Variants in SSC5D observed in about 807,000 individuals in gnomAD.
SSC5D encodes the protein scavenger receptor cysteine rich family member with 5 domains, also known as soluble scavenger receptor cysteine-rich domain-containing protein SSC5D.
Under a neutral mutation model 104.6 loss-of-function variants are expected in SSC5D, and 106 were observed. That is an observed-to-expected ratio of 1.01 (90% CI 0.87 to 1.19). The LOEUF is 1.19. SSC5D is among the 50% of genes most tolerant of loss of function. The pLI, the probability that SSC5D is intolerant of heterozygous loss-of-function variation, is 0.00. For synonymous variants in SSC5D, 860 were observed against 883.5 expected (o/e 0.97, Z 0.47); for missense variants, 1,993 against 2,153.8 (o/e 0.93, Z 1.48).
rs368184137 is a variant in SSC5D, at chr19:55,501,167, C to A, written c.2751C>A (p.Ser917Arg). 7.8e-6 allele frequency: 12 copies of A among 1,544,334 alleles called. No homozygotes were observed. Among genetic ancestry groups the A allele is most frequent in the Non-Finnish European group, 8.7e-6 (10 of 1,143,926 alleles). The change falls in exon 12 of 14, where the codon AGC becomes AGA. Residue 917 changes from serine to arginine, a missense_variant. Coordinates refer to ENST00000389623, the MANE Select transcript of SSC5D (RefSeq NM_001144950.2). Reference protein sequence around the residue: ...LPWRTTRRPGSSSPAIRRLPD... With the variant: ...LPWRTTRRPGRSSPAIRRLPD... ...GGAGGACCACCCGGCGCCCGGGTAGCTCCTCCCCAGCAATAAGGCGCCTGC... is the reference window on the plus strand; with the variant it reads ...GGAGGACCACCCGGCGCCCGGGTAGATCCTCCCCAGCAATAAGGCGCCTGC...
intron 12 of SSC5D, among the ~76,000 whole-genome samples, chr19:55,507,812 G>A (rs1987672779): frequency 6.6e-6 from 1 of 152,174 alleles, no homozygotes; most frequent in African/African-American, 2.4e-5. Flanking sequence ...AGAGCGGAGT[G>A]TTGGGTGGAA....
At position 55,500,386 on chromosome 19, in the gene SSC5D, C is replaced by T. The variant is rs1041832175; in HGVS notation, c.2276C>T (p.Pro759Leu). The T allele has an allele frequency of 2.0e-5, 31 of 1,551,134 alleles. No individual in the cohort carries two copies. The East Asian group carries it at 7.6e-4, about 38-fold the overall frequency. ...PESPKDPAPS[P>L]SVSTTGESGL... ...TCACCCAAAGACCCGGCCCCCTCTCCCAGTGTTAGCACCACTGGGGAATCA... is the reference window on the plus strand; with the variant it reads ...TCACCCAAAGACCCGGCCCCCTCTCTCAGTGTTAGCACCACTGGGGAATCA... The change falls in exon 10 of 14, where the codon CCC becomes CTC. Residue 759 changes from proline to leucine, a missense_variant. This residue lies in a region of SSC5D where 1,101 missense variants were observed against 1,085.0 expected (regional missense o/e 1.01). Transcript: ENST00000389623. The surrounding 1 kb of genome is among the most constrained non-coding windows in gnomAD (Gnocchi z 4.6).
At chr19:55,489,072 C>CGGG in intron 2 of SSC5D, 40 bp downstream of exon 2, 1 of 1,061,864 alleles carries the variant, frequency 9.4e-7, no homozygotes, top group Non-Finnish European at 1.3e-6. Flanking sequence ...GCCCCCCCCC[C>CGGG]CAGGCCTCCC....
chr19:55,496,240 G>A (rs1987321901), intron 8 of SSC5D, among the ~76,000 whole-genome samples: 1 of 152,152 alleles, frequency 6.6e-6, no homozygotes, highest in South Asian at 2.1e-4. Flanking sequence ...GCCCAGTGGA[G>A]AGGGTGGTTT....
rs1310844782 is a variant in SSC5D, at chr19:55,493,625, GC to G, written c.931del (p.His311ThrfsTer125). 1 of 1,481,178 alleles carries G rather than the reference GC, an allele frequency of 6.8e-7. No individual in the cohort carries two copies. The highest frequency in any genetic ancestry group is 8.9e-7 in the Non-Finnish European group (1 of 1,126,434). 91.8% of individuals were successfully genotyped at this position (1,481,178 alleles called of 1,614,324 possible). On this transcript the variant is annotated frameshift_variant, in exon 7 of 14. Coordinates refer to ENST00000389623, the MANE Select transcript of SSC5D (RefSeq NM_001144950.2). LOFTEE classifies it high-confidence loss of function. ...GPAPRLRLAD[G>X]PHGCAGRLEV... ...GCACCTCGGCTGCGCCTGGCCGATG[GC>G]CCCCACGGGTGCGCCGGCCGCCTGG...
chr19:55,503,879 C>A lies in SSC5D; in HGVS notation c.2785+2678C>A, dbSNP rs1036521484. ...CGCGGTGGGCCCGGGAATGGAGGGA[C>A]GGGATGGGGCAGGCGTTCATCTGCC... On this transcript the variant is annotated intron_variant, in intron 12 of 13. Coordinates refer to ENST00000389623, the MANE Select transcript of SSC5D (RefSeq NM_001144950.2). The surrounding 1 kb of genome is among the most constrained non-coding windows in gnomAD (Gnocchi z 4.0). Among the ~76,000 whole-genome samples the A allele has an allele frequency of 4.6e-5, 7 of 152,110 alleles. No homozygotes were observed. Among genetic ancestry groups the A allele is most frequent in the Admixed American group, 3.9e-4 (6 of 15,276 alleles).
chr19:55,509,280 G>A (rs1414307178), intron 12 of SSC5D, among the ~76,000 whole-genome samples: 1 of 152,186 alleles, frequency 6.6e-6, no homozygotes, highest in Non-Finnish European at 1.5e-5. Context: ...AAAGGTGTGA[G>A]TGAGGATCCC....
rs1987924175 is a variant in SSC5D at position 55,518,112 on chromosome 19, CGA to C, written c.3837_3838del (p.Thr1280ProfsTer26). 6.8e-7 allele frequency: 1 copy of C among 1,469,056 alleles called. No homozygotes were observed. Among genetic ancestry groups the C allele is most frequent in the Non-Finnish European group, 9.2e-7 (1 of 1,090,994 alleles). 91.0% of individuals were successfully genotyped at this position (1,469,056 alleles called of 1,614,324 possible). A position where few individuals can be genotyped will look rare whatever the true frequency, so the allele number is the denominator to read the frequency against. On this transcript the variant is annotated frameshift_variant, in exon 14 of 14. Transcript: ENST00000389623. LOFTEE classifies it low-confidence loss of function (END_TRUNC). ...CCCACCACGATGCCTCATCCCACCA[CGA>C]CCCCTCACCCCACCACGACTCCTCA...
chr19:55,500,631 G>A lies in SSC5D; in HGVS notation c.2444G>A (p.Cys815Tyr). ...ACTGTGGCCTGCTGGGAACTGGGCT[G>A]TGGAAAGGTCCGGCCTCGAGTAGGC... ...DATVACWELG[C>Y]GKVRPRVGKT... Residue 815 changes from cysteine (C) to tyrosine (Y), a missense_variant, in exon 11 of 14, where the codon TGT becomes TAT. Cys to Tyr is a radical substitution (Grantham distance 194). This residue lies in a region of SSC5D where 70 missense variants were observed against 107.1 expected (regional missense o/e 0.65). Transcript: ENST00000389623. This position sits in a 1 kb window ranked among gnomAD's most constrained non-coding sequence, Gnocchi z 4.6. 6 of 1,551,792 alleles carry A rather than the reference G, an allele frequency of 3.9e-6. No homozygotes were observed. Among genetic ancestry groups the A allele is most frequent in the African/African-American group, 2.7e-5 (2 of 73,170 alleles).
chr19:55,518,932 C>T lies in SSC5D; in HGVS notation c.4656C>T (p.Thr1552=), dbSNP rs1322469009. ...VKRLAEMAWT[T]SMPAPTTTTP... ...GACTGGCAGAGATGGCCTGGACCAC[C>T]AGCATGCCTGCACCAACCACCACTA... Residue 1552 remains threonine, a synonymous_variant, in exon 14 of 14, where the codon ACC becomes ACT. Transcript: ENST00000389623. 3 of 1,550,262 alleles carry T rather than the reference C, an allele frequency of 1.9e-6. No homozygotes were observed. Among genetic ancestry groups the T allele is most frequent in the East Asian group, 2.4e-5 (1 of 40,922 alleles).
chr19:55,516,971 C>A (rs1346486746), intron 13 of SSC5D, among the ~76,000 whole-genome samples: 1 of 152,012 alleles, frequency 6.6e-6, no homozygotes, highest in Non-Finnish European at 1.5e-5. Flanking sequence ...CCGCAACCCG[C>A]GTGCCCCTCG....
Position 55,517,765 on chromosome 19 carries a change from C to T in SSC5D, c.3489C>T (p.Pro1163=), listed in dbSNP as rs146413710. 3.2e-6 allele frequency: 5 copies of T among 1,549,552 alleles called. No homozygotes were observed. Among genetic ancestry groups the T allele is most frequent in the Non-Finnish European group, 4.4e-6 (5 of 1,146,178 alleles). The change falls in exon 14 of 14, where the codon CCC becomes CCT. Residue 1163 remains proline (P), a synonymous_variant. Coordinates refer to ENST00000389623, the MANE Select transcript of SSC5D (RefSeq NM_001144950.2). ...TTPDPTMAPD[P]ITTLNPTVTP... ...CTGATCCCACCATGGCCCCTGACCC[C>T]ATCACAACCCTTAACCCTACTGTGA...
At chr19:55,496,543 C>T (rs1987330317) in intron 8 of SSC5D, among the ~76,000 whole-genome samples, 1 of 152,136 alleles carries the variant, frequency 6.6e-6, no homozygotes, top group Non-Finnish European at 1.5e-5. Context: ...TGATGCTGTT[C>T]CCAGTTCTCT....
intron 12 of SSC5D, among the ~76,000 whole-genome samples, chr19:55,506,979 C>A (rs1987649555): frequency 1.3e-5 from 2 of 151,588 alleles, no homozygotes; most frequent in African/African-American, 4.8e-5. Flanking sequence ...CCAGCCTGGC[C>A]AACATGGCGA....
Position 55,518,767 on chromosome 19 carries a change from G to A in SSC5D, c.4491G>A (p.Val1497=), listed in dbSNP as rs775432888. 26 of 1,550,806 alleles carry A rather than the reference G, an allele frequency of 1.7e-5. No homozygotes were observed. Among genetic ancestry groups the A allele is most frequent in the Non-Finnish European group, 2.1e-5 (24 of 1,146,972 alleles). The part of the protein sequence containing the change: ...PPALVELVAA[V]RDVGGQLQRL... ...CCCTGGTGGAGCTGGTGGCTGCTGT[G>A]AGGGATGTGGGTGGTCAGCTGCAGA... is the stretch of plus-strand genomic sequence containing the variant. Residue 1497 remains valine, a synonymous_variant, in exon 14 of 14, where the codon GTG becomes GTA. Transcript: ENST00000389623.
chr19:55,488,679 G>A, intron 1 of SSC5D, 65 bp downstream of exon 1: 1 of 1,451,530 alleles, frequency 6.9e-7, no homozygotes, highest in South Asian at 1.2e-5. Flanking sequence ...CCCTTAGCTT[G>A]TCCAGTTTAG....
chr19:55,501,715 A>T (rs1165675202), intron 12 of SSC5D, among the ~76,000 whole-genome samples: 1 of 152,002 alleles, frequency 6.6e-6, no homozygotes, highest in Non-Finnish European at 1.5e-5. Flanking sequence ...CCTCTGCTCT[A>T]TGGCCTCTGT....
At position 55,493,714 on chromosome 19, in the gene SSC5D, G is replaced by A. The variant is rs573463170; in HGVS notation, c.1015G>A (p.Ala339Thr). The change falls in exon 7 of 14, where the codon GCT becomes ACT. Residue 339 changes from alanine to threonine, a missense_variant. Ala to Thr is a moderately conservative substitution (Grantham distance 58). Coordinates refer to ENST00000389623, the MANE Select transcript of SSC5D (RefSeq NM_001144950.2). ...CGACGCCTGGGACCTGCGAGACGCCGCTGTGGCCTGCCGAGAGCTGGGCTG... is the reference window on the plus strand; with the variant it reads ...CGACGCCTGGGACCTGCGAGACGCCACTGTGGCCTGCCGAGAGCTGGGCTG... ...CDDAWDLRDAAVACRELGCGG... is the reference protein window; with the variant it reads ...CDDAWDLRDATVACRELGCGG... 210 of 1,516,440 alleles carry A rather than the reference G, an allele frequency of 1.4e-4. No individual in the cohort carries two copies. The African/African-American group carries it at 2.6e-3, about 19-fold the overall frequency. The allele number at this position is 1,516,440 out of a possible 1,614,324, so 93.9% of individuals were successfully genotyped here. A position where few individuals can be genotyped will look rare whatever the true frequency, so the allele number is the denominator to read the frequency against.
intron 13 of SSC5D, among the ~76,000 whole-genome samples, chr19:55,515,396 C>A (rs1165197762): frequency 4.3e-3 from 371 of 86,524 alleles, no homozygotes; most frequent in Non-Finnish European, 4.5e-3. Context: ...AACTCCGTCT[C>A]AAAAAAAAAA....
Sources: gnomAD v4.1 joint callset for allele counts (sites outside exome capture counted in the v4.1 genomes callset) on GRCh38, gnomAD v4.1.1 for gene constraint, gnomAD v4.1.1 regional missense constraint, Gnocchi (gnomAD v3.1) non-coding constraint, MANE v1.5 for transcripts, NCBI Gene and HGNC (gene_info 2026-07-23, HGNC 2026-07-21) for gene names.